The following ASTN1 variants were observed in gnomAD, a reference collection of about 807,000 sequenced individuals.
The protein encoded by ASTN1 is astrotactin-1.
Under a neutral mutation model 140.7 loss-of-function variants are expected in ASTN1, and 41 were observed. The ratio of observed to expected loss-of-function variants is 0.29; its 90% CI spans 0.23 to 0.38. The LOEUF is 0.38. ASTN1 is among the 10% of genes least tolerant of loss of function. The pLI is 1.00. For missense variants in ASTN1, 1,479 were observed against 1,678.8 expected (o/e 0.88, Z 2.08); for synonymous variants, 640 against 652.2 (o/e 0.98, Z 0.29).
At chr1:176,904,722 C>A (rs1384728494) in intron 16 of ASTN1, among the ~76,000 whole-genome samples, 2 of 152,112 alleles carry the variant, frequency 1.3e-5, no homozygotes, top group East Asian at 1.9e-4. Context: ...GGAGCAAATG[C>A]TTCCCATCTT....
intron 8 of ASTN1, among the ~76,000 whole-genome samples, chr1:176,987,283 G>A (rs1012650604): frequency 2.0e-5 from 3 of 152,200 alleles, no homozygotes; most frequent in South Asian, 4.1e-4. Context: ...CTCTGCTGCT[G>A]TAGCACAAAA....
At chr1:177,133,180 T>G (rs1682021985) in intron 1 of ASTN1, among the ~76,000 whole-genome samples, 1 of 152,188 alleles carries the variant, frequency 6.6e-6, no homozygotes, top group Non-Finnish European at 1.5e-5. Context: ...TAAATAATAA[T>G]TAGAACTGGA....
chr1:177,140,378 C>A (rs1417980488), intron 1 of ASTN1, among the ~76,000 whole-genome samples: 1 of 152,116 alleles, frequency 6.6e-6, no homozygotes, highest in Non-Finnish European at 1.5e-5. Flanking sequence ...CCTCCTGTAA[C>A]AGAATGGACC....
chr1:177,143,716 G>A (rs1311097249), intron 1 of ASTN1, among the ~76,000 whole-genome samples: 1 of 151,954 alleles, frequency 6.6e-6, no homozygotes, highest in Non-Finnish European at 1.5e-5. Context: ...GAGACAAAAC[G>A]AATGAAATCA....
At chr1:177,086,356 T>C (rs752840824) in intron 1 of ASTN1, among the ~76,000 whole-genome samples, 2 of 152,134 alleles carry the variant, frequency 1.3e-5, no homozygotes, top group Non-Finnish European at 2.9e-5. Context: ...CTCAAGTTTC[T>C]GAAGAAGAAA....
At chr1:177,005,185 A>T (rs966316404) in intron 8 of ASTN1, among the ~76,000 whole-genome samples, 1 of 152,228 alleles carries the variant, frequency 6.6e-6, no homozygotes, top group Non-Finnish European at 1.5e-5. Context: ...ACATGAATTG[A>T]CATATTTAAA....
At chr1:177,052,296 G>C (rs778897424) in intron 2 of ASTN1, among the ~76,000 whole-genome samples, 1 of 152,154 alleles carries the variant, frequency 6.6e-6, no homozygotes, top group Non-Finnish European at 1.5e-5. Context: ...GTTACAGGCA[G>C]CTTGCATGGC....
At chr1:176,973,373 T>C (rs1673224559) in intron 8 of ASTN1, among the ~76,000 whole-genome samples, 1 of 152,188 alleles carries the variant, frequency 6.6e-6, no homozygotes, top group African/African-American at 2.4e-5. Context: ...TTCCCTTTCA[T>C]GTAACCTCAA....
chr1:176,984,743 C>T lies in ASTN1; in HGVS notation c.1524-19506G>A, dbSNP rs227997. ...TCTTATTTTCCAGTCTGCCTTTCTG[C>T]GACAAAACAGGGCAAGCATAACTTC... On this transcript the variant is annotated intron_variant, in intron 8 of 22. Transcript: ENST00000361833. 5.3e-5 allele frequency among the ~76,000 whole-genome samples: 8 copies of T among 152,110 alleles called. No individual in the cohort carries two copies. In the South Asian group the frequency reaches 1.0e-3, roughly 20 times the overall value.
At chr1:177,116,597 G>T (rs1681102595) in intron 1 of ASTN1, among the ~76,000 whole-genome samples, 1 of 151,904 alleles carries the variant, frequency 6.6e-6, no homozygotes, top group Non-Finnish European at 1.5e-5. Context: ...TTCTACATTT[G>T]TGCTCTATTT....
intron 7 of ASTN1, among the ~76,000 whole-genome samples, chr1:177,015,102 G>T (rs1218456209): frequency 6.6e-6 from 1 of 152,136 alleles, no homozygotes; most frequent in Non-Finnish European, 1.5e-5. Flanking sequence ...TTTCATAGAA[G>T]AGGAATCTAG....
At chr1:177,156,932 C>T (rs375616627) in intron 1 of ASTN1, among the ~76,000 whole-genome samples, 229 of 152,258 alleles carry the variant, frequency 1.5e-3, no homozygotes, top group African/African-American at 5.0e-3. Flanking sequence ...AGACAAATAC[C>T]GATTGAGGAA....
chr1:177,032,061 G>A (rs1021258383), intron 3 of ASTN1, among the ~76,000 whole-genome samples: 9 of 152,234 alleles, frequency 5.9e-5, no homozygotes, highest in South Asian at 2.1e-4. Context: ...TGTCCCCTCC[G>A]CTTCAATGGA....
At chr1:177,103,825 CAG>C (rs1680415277) in intron 1 of ASTN1, among the ~76,000 whole-genome samples, 1 of 152,100 alleles carries the variant, frequency 6.6e-6, no homozygotes, top group Non-Finnish European at 1.5e-5. Flanking sequence ...TTGCCTAAGA[CAG>C]TAACAGGCAA....
At chr1:176,953,472 C>G (rs1291972494) in intron 11 of ASTN1, among the ~76,000 whole-genome samples, 1 of 152,208 alleles carries the variant, frequency 6.6e-6, no homozygotes, top group East Asian at 1.9e-4. Flanking sequence ...TTGATGGGCT[C>G]TGACATGCAG....
intron 17 of ASTN1, among the ~76,000 whole-genome samples, chr1:176,889,704 G>T (rs1394421191): frequency 6.6e-6 from 1 of 152,170 alleles, no homozygotes; most frequent in Non-Finnish European, 1.5e-5. Context: ...TTTGTGCAGA[G>T]ATTTATAATT....
rs140804484 is a variant in ASTN1 at position 177,098,636 on chromosome 1, A to T, written c.284-37371T>A. 2.5e-3 allele frequency among the ~76,000 whole-genome samples: 383 copies of T among 152,274 alleles called. 1 individual carries two copies. Among genetic ancestry groups the T allele is most frequent in the African/African-American group, 7.4e-3 (308 of 41,582 alleles). On this transcript the variant is annotated intron_variant, in intron 1 of 22. Coordinates refer to ENST00000361833, the MANE Select transcript of ASTN1 (RefSeq NM_004319.3). ...GAAACACTAAGCATATGGAAGAAAA[A>T]ACGAAGGGGAAACAGAAAGATGAGG...
At chr1:176,878,442 G>A (rs1278445071) in intron 20 of ASTN1, among the ~76,000 whole-genome samples, 1 of 151,362 alleles carries the variant, frequency 6.6e-6, no homozygotes, top group Non-Finnish European at 1.5e-5. Context: ...AGCTCAGAGG[G>A]GAGCCCCTAC....
intron 1 of ASTN1, among the ~76,000 whole-genome samples, chr1:177,154,613 T>C (rs1166106779): frequency 6.6e-6 from 1 of 152,118 alleles, no homozygotes; most frequent in African/African-American, 2.4e-5. Context: ...CACCACCATT[T>C]CCTTGAATTT....
Sources: gnomAD v4.1 joint callset for allele counts (sites outside exome capture counted in the v4.1 genomes callset) on GRCh38, gnomAD v4.1.1 for gene constraint, MANE v1.5 for transcripts, NCBI Gene and HGNC (gene_info 2026-07-23, HGNC 2026-07-21) for gene names.